ST18: variants seen among roughly 807,000 people sequenced by gnomAD.
ST18 encodes the protein ST18 C2H2C-type zinc finger transcription factor.
ST18 carries 50 observed loss-of-function variants against 110.0 expected under a neutral mutation model. The ratio of observed to expected loss-of-function variants is 0.45; its 90% CI spans 0.36 to 0.58. The LOEUF is 0.58. ST18 is among the 20% of genes least tolerant of loss of function. The pLI, the probability that ST18 is intolerant of heterozygous loss-of-function variation, is 0.00. For synonymous variants in ST18, 461 were observed against 452.4 expected (o/e 1.02, Z -0.24); for missense variants, 1,306 against 1,280.1 (o/e 1.02, Z -0.31).
At chr8:52,327,260 T>C (rs573336795) in intron 2 of ST18, among the ~76,000 whole-genome samples, 2 of 152,338 alleles carry the variant, frequency 1.3e-5, no homozygotes, top group East Asian at 1.9e-4. Context: ...ATGTCTCTTT[T>C]GGTAGAAGTG....
chr8:52,345,571 C>A (rs1051603999), intron 2 of ST18, among the ~76,000 whole-genome samples: 1 of 152,206 alleles, frequency 6.6e-6, no homozygotes, highest in Non-Finnish European at 1.5e-5. Context: ...CAGAAGTAAA[C>A]CTGCAGCCGT....
intron 8 of ST18, among the ~76,000 whole-genome samples, chr8:52,184,676 C>A (rs2071279956): frequency 6.6e-6 from 1 of 152,136 alleles, no homozygotes. Flanking sequence ...TTTCAACTTA[C>A]CTACTATAGT....
chr8:52,217,260 A>G (rs1564125361), intron 6 of ST18, among the ~76,000 whole-genome samples: 1 of 152,162 alleles, frequency 6.6e-6, no homozygotes, highest in Non-Finnish European at 1.5e-5. Flanking sequence ...AACTGACAGA[A>G]GATATATTCT....
At chr8:52,244,188 C>T (rs1473253394) in intron 2 of ST18, among the ~76,000 whole-genome samples, 1 of 152,150 alleles carries the variant, frequency 6.6e-6, no homozygotes, top group Non-Finnish European at 1.5e-5. Flanking sequence ...CTGGTCAGTA[C>T]ACGATTTATA....
chr8:52,353,363 T>G (rs1415866212), intron 2 of ST18, among the ~76,000 whole-genome samples: 3 of 152,246 alleles, frequency 2.0e-5, no homozygotes, highest in Admixed American at 6.5e-5. Context: ...TAGTGCCCTG[T>G]GGCAAATAAT....
At chr8:52,221,553 C>T (rs2086759502) in intron 4 of ST18, 87 bp downstream of exon 4, 1 of 152,130 alleles carries the variant, frequency 6.6e-6, no homozygotes. Context: ...CTAGAGGAAC[C>T]AATTTATACA....
chr8:52,178,631 A>AAAAAC (rs2067928558), intron 9 of ST18, among the ~76,000 whole-genome samples: 1 of 131,132 alleles, frequency 7.6e-6, no homozygotes, highest in African/African-American at 3.4e-5. Flanking sequence ...AAAAAAAAAA[A>AAAAAC]AAAAAAAAAA....
At chr8:52,300,399 C>G (rs1404729591) in intron 2 of ST18, among the ~76,000 whole-genome samples, 1 of 152,160 alleles carries the variant, frequency 6.6e-6, no homozygotes, top group Non-Finnish European at 1.5e-5. Context: ...TAAAGGATGA[C>G]TAAATTCTTA....
chr8:52,215,322 C>T (rs905382291), intron 6 of ST18, among the ~76,000 whole-genome samples: 6 of 152,150 alleles, frequency 3.9e-5, no homozygotes, highest in African/African-American at 7.2e-5. Flanking sequence ...TACTGCCATT[C>T]GACGCTCTCC....
At chr8:52,256,510 G>A (rs1473544634) in intron 2 of ST18, among the ~76,000 whole-genome samples, 3 of 152,150 alleles carry the variant, frequency 2.0e-5, no homozygotes, top group Non-Finnish European at 4.4e-5. Flanking sequence ...TTACAGGTGT[G>A]AGTCAGTGCG....
chr8:52,225,911 CA>C (rs1466883375), intron 3 of ST18, among the ~76,000 whole-genome samples: 1 of 151,988 alleles, frequency 6.6e-6, no homozygotes, highest in African/African-American at 2.4e-5. Flanking sequence ...ATAGCTAATG[CA>C]AAAAAATGAC....
intron 2 of ST18, among the ~76,000 whole-genome samples, chr8:52,256,736 T>C (rs2094540299): frequency 6.6e-6 from 1 of 152,208 alleles, no homozygotes; most frequent in East Asian, 1.9e-4. Flanking sequence ...TGAATATCAT[T>C]ATCATAGAAA....
chr8:52,146,169 A>G (rs2057200809), intron 16 of ST18, among the ~76,000 whole-genome samples: 1 of 152,188 alleles, frequency 6.6e-6, no homozygotes, highest in African/African-American at 2.4e-5. Flanking sequence ...CCAAATGTGA[A>G]CAATAGATTG....
chr8:52,338,692 GGGATTACAGGTGTGA>G (rs750420786), intron 2 of ST18, among the ~76,000 whole-genome samples: 24 of 151,958 alleles, frequency 1.6e-4, no homozygotes, highest in Non-Finnish European at 2.4e-4. Flanking sequence ...CCAAAATGCT[GGGATTACAGGTGTGA>G]GCCATCACAC....
At chr8:52,259,314 G>T (rs1253259652) in intron 2 of ST18, among the ~76,000 whole-genome samples, 3 of 152,134 alleles carry the variant, frequency 2.0e-5, no homozygotes, top group Non-Finnish European at 1.5e-5. Flanking sequence ...TCAGATTCAG[G>T]TGTAGGCAGC....
chr8:52,254,785 C>G (rs898296069), intron 2 of ST18, among the ~76,000 whole-genome samples: 17 of 152,112 alleles, frequency 1.1e-4, no homozygotes, highest in African/African-American at 4.1e-4. Flanking sequence ...GCTGTGTCCT[C>G]CTGCCTCTAG....
chr8:52,376,218 T>C (rs1167022955), intron 2 of ST18, among the ~76,000 whole-genome samples: 1 of 152,172 alleles, frequency 6.6e-6, no homozygotes, highest in Non-Finnish European at 1.5e-5. Flanking sequence ...GCCAACACTC[T>C]TACAGTGACC....
rs750844542 is a variant in ST18 at position 52,136,539 on chromosome 8, G to A, written c.2300+51C>T. 15 of 1,545,094 alleles carry A rather than the reference G, an allele frequency of 9.7e-6. No homozygotes were observed. The South Asian group carries it at 1.5e-4, about 16-fold the overall frequency. On this transcript the variant is annotated intron_variant, in intron 19 of 25. Coordinates refer to ENST00000689386, the MANE Select transcript of ST18 (RefSeq NM_001352837.2). Reference sequence around the variant, plus strand: ...GGCAATGAATGGGCACTGAACGAGAGGGTCCTACCGTGTGGATGAAGGGCA... The same window carrying A: ...GGCAATGAATGGGCACTGAACGAGAAGGTCCTACCGTGTGGATGAAGGGCA...
Position 52,234,329 on chromosome 8 carries a change from A to G in ST18, c.-464-4252T>C, listed in dbSNP as rs771885840. Among the ~76,000 whole-genome samples the G allele has an allele frequency of 6.6e-5, 10 of 152,194 alleles. No individual in the cohort carries two copies. The South Asian group carries it at 1.5e-3, about 22-fold the overall frequency. On this transcript the variant is annotated intron_variant, in intron 2 of 25. Transcript: ENST00000689386. ...ACCCAGGCTGGAGTGCAGTGGCTCAATCTCGGCTCACTGCAACCTCCGCCC... is the reference window on the plus strand; with the variant it reads ...ACCCAGGCTGGAGTGCAGTGGCTCAGTCTCGGCTCACTGCAACCTCCGCCC...
Sources: gnomAD v4.1 joint callset for allele counts (sites outside exome capture counted in the v4.1 genomes callset) on GRCh38, gnomAD v4.1.1 for gene constraint, MANE v1.5 for transcripts, NCBI Gene and HGNC (gene_info 2026-07-23, HGNC 2026-07-21) for gene names.